Variants in REDIC1 observed in about 807,000 individuals in gnomAD.
The protein encoded by REDIC1 is HEI10 Interacting Protein 1.
the REDIC1 span, among the ~76,000 whole-genome samples, chr12:39,711,724 CATGCATGT>C: frequency 6.5e-5 from 7 of 107,978 alleles, no homozygotes; most frequent in South Asian, 5.7e-4. Flanking sequence ...TGTGTATGCA[CATGCATGT>C]GTGTATGTGT....
chr12:39,670,596 G>C, the REDIC1 span, among the ~76,000 whole-genome samples: 1 of 152,132 alleles, frequency 6.6e-6, no homozygotes, highest in Non-Finnish European at 1.5e-5. Flanking sequence ...TAAATTGCTT[G>C]CTAGTCTTGA....
the REDIC1 span, among the ~76,000 whole-genome samples, chr12:39,674,712 G>A: frequency 9.2e-5 from 14 of 152,146 alleles, no homozygotes; most frequent in African/African-American, 3.1e-4. Context: ...AGTGGAAGAA[G>A]CAGCTGGAAG....
At chr12:39,887,989 C>A in the REDIC1 span, among the ~76,000 whole-genome samples, 41 of 152,262 alleles carry the variant, frequency 2.7e-4, no homozygotes, top group Non-Finnish European at 4.1e-4. Context: ...ATCACCACCC[C>A]ACTCTCAGCC....
At chr12:39,807,742 T>G in the REDIC1 span, among the ~76,000 whole-genome samples, 97 of 152,258 alleles carry the variant, frequency 6.4e-4, no homozygotes, top group African/African-American at 2.2e-3. Flanking sequence ...CCCTTTCAAT[T>G]ATAATAATTA....
the REDIC1 span, among the ~76,000 whole-genome samples, chr12:39,875,978 T>C: frequency 1.3e-5 from 2 of 152,170 alleles, no homozygotes; most frequent in African/African-American, 4.8e-5. Flanking sequence ...AAGAACAATA[T>C]GAACAACTGA....
chr12:39,630,793 T>C, the REDIC1 span, among the ~76,000 whole-genome samples: 5 of 152,158 alleles, frequency 3.3e-5, no homozygotes, highest in African/African-American at 9.7e-5. Context: ...GTCTGCTTGA[T>C]GGTGAGTTTG....
At chr12:39,779,526 T>A in the REDIC1 span, among the ~76,000 whole-genome samples, 1 of 152,240 alleles carries the variant, frequency 6.6e-6, no homozygotes, top group Non-Finnish European at 1.5e-5. Flanking sequence ...CACAACATTT[T>A]ACACATAGTC....
chr12:39,807,351 C>T, the REDIC1 span, among the ~76,000 whole-genome samples: 151 of 152,212 alleles, frequency 9.9e-4, no homozygotes, highest in Admixed American at 2.9e-3. Context: ...ATAAGTAAAA[C>T]GGAAAGTCTG....
At chr12:39,647,628 C>G in the REDIC1 span, among the ~76,000 whole-genome samples, 1 of 152,070 alleles carries the variant, frequency 6.6e-6, no homozygotes, top group Non-Finnish European at 1.5e-5. Context: ...TAACCACTCT[C>G]TTCCTAGTAA....
At chr12:39,850,058 CAT>C in the REDIC1 span, among the ~76,000 whole-genome samples, 1 of 152,158 alleles carries the variant, frequency 6.6e-6, no homozygotes, top group South Asian at 2.1e-4. Flanking sequence ...CTTCTGCACA[CAT>C]GCTATCCCTC....
At chr12:39,841,765 G>A in the REDIC1 span, among the ~76,000 whole-genome samples, 8 of 151,780 alleles carry the variant, frequency 5.3e-5, no homozygotes, top group Non-Finnish European at 1.0e-4. Context: ...ATCTTCTCTG[G>A]TGACAATATA....
chr12:39,803,772 C>T, the REDIC1 span, among the ~76,000 whole-genome samples: 2 of 151,902 alleles, frequency 1.3e-5, no homozygotes, highest in African/African-American at 2.4e-5. Context: ...TGCATCTCAC[C>T]GGAATTCCAA....
the REDIC1 span, among the ~76,000 whole-genome samples, chr12:39,900,919 C>T: frequency 2.6e-4 from 39 of 152,240 alleles, 1 homozygote; most frequent in South Asian, 4.1e-4. Flanking sequence ...GGAGGCATCA[C>T]GCTACCTGAC....
the REDIC1 span, among the ~76,000 whole-genome samples, chr12:39,630,894 G>A: frequency 2.4e-3 from 358 of 152,268 alleles, 1 homozygote; most frequent in African/African-American, 8.1e-3. Context: ...TAGTTTGCCT[G>A]AAACGGTCAA....
At chr12:39,727,936 A>G in the REDIC1 span, among the ~76,000 whole-genome samples, 1 of 152,166 alleles carries the variant, frequency 6.6e-6, no homozygotes, top group African/African-American at 2.4e-5. Flanking sequence ...GAGTTCACTC[A>G]TGATTTGACT....
At chr12:39,703,844 A>C in the REDIC1 span, among the ~76,000 whole-genome samples, 1 of 152,200 alleles carries the variant, frequency 6.6e-6, no homozygotes, top group Non-Finnish European at 1.5e-5. Flanking sequence ...CCTATTTAAT[A>C]AATGGTGCTG....
chr12:39,696,073 T>C, the REDIC1 span, among the ~76,000 whole-genome samples: 1 of 152,078 alleles, frequency 6.6e-6, no homozygotes, highest in Non-Finnish European at 1.5e-5. Context: ...CAGATACAGC[T>C]TAGGTCTCAA....
chr12:39,872,015 G>A, the REDIC1 span: 1 of 1,399,808 alleles, frequency 7.1e-7, no homozygotes, highest in Non-Finnish European at 9.4e-7. Flanking sequence ...AAGAAACAGG[G>A]TTATTTTGAT....
the REDIC1 span, among the ~76,000 whole-genome samples, chr12:39,779,700 T>A: frequency 2.0e-5 from 3 of 152,252 alleles, no homozygotes; most frequent in Non-Finnish European, 4.4e-5. Context: ...AAGAAATCTA[T>A]GTCTATTTAA....
Sources: allele counts gnomAD v4.1 joint callset (sites outside exome capture counted in the v4.1 genomes callset), GRCh38; gene constraint gnomAD v4.1.1; transcripts MANE v1.5; gene names NCBI Gene and HGNC (gene_info 2026-07-23, HGNC 2026-07-21).